GLRA1: variants seen among roughly 807,000 people sequenced by gnomAD.
The protein encoded by GLRA1 is glycine receptor subunit alpha-1.
In GLRA1, 37 loss-of-function variants were observed where a neutral mutation model predicts 48.3. The observed-to-expected ratio is 0.77, with a 90% CI of 0.59 to 1.01. The LOEUF (loss-of-function observed/expected upper bound fraction) is 1.01, where lower values mean the gene tolerates loss of function less well. GLRA1 is among the 50% of genes least tolerant of loss of function. GLRA1 has a pLI of 0.00. For missense variants in GLRA1, 427 were observed against 571.0 expected, an observed-to-expected ratio of 0.75 and a Z score of 2.57; for synonymous variants, 196 against 210.7, an observed-to-expected ratio of 0.93 and a Z score of 0.60.
At chr5:151,828,172 G>A (rs1763325238) in intron 8 of GLRA1, among the ~76,000 whole-genome samples, 2 of 152,202 alleles carry the variant, frequency 1.3e-5, no homozygotes, top group African/African-American at 4.8e-5. Context: ...GACACACAGT[G>A]CACTGGAAGA....
intron 3 of GLRA1, among the ~76,000 whole-genome samples, chr5:151,870,971 G>T (rs963996739): frequency 6.7e-6 from 1 of 149,742 alleles, no homozygotes; most frequent in Non-Finnish European, 1.5e-5. Context: ...TGGGTTTGAC[G>T]GTCATGAGTC....
intron 7 of GLRA1, among the ~76,000 whole-genome samples, chr5:151,846,660 A>G (rs1752679357): frequency 6.6e-6 from 1 of 152,222 alleles, no homozygotes; most frequent in South Asian, 2.1e-4. Flanking sequence ...AGTCAGTGTC[A>G]TGAAAAACAA....
chr5:151,868,827 G>A (rs1034305303), intron 3 of GLRA1, among the ~76,000 whole-genome samples: 1 of 152,126 alleles, frequency 6.6e-6, no homozygotes, highest in African/African-American at 2.4e-5. Flanking sequence ...AGTGCTTGTG[G>A]ACTGCCCAGA....
chr5:151,883,001 A>C (rs547550241), intron 3 of GLRA1, among the ~76,000 whole-genome samples: 1 of 152,302 alleles, frequency 6.6e-6, no homozygotes, highest in South Asian at 2.1e-4. Context: ...CTAAGAACCT[A>C]TTGGTGATGT....
intron 7 of GLRA1, among the ~76,000 whole-genome samples, chr5:151,845,028 A>G (rs1257064508): frequency 1.3e-5 from 2 of 152,054 alleles, no homozygotes; most frequent in Admixed American, 6.6e-5. Context: ...TTAAAATTTT[A>G]TTTATTTTTA....
At chr5:151,895,463 C>G (rs552375553) in intron 1 of GLRA1, among the ~76,000 whole-genome samples, 1 of 152,240 alleles carries the variant, frequency 6.6e-6, no homozygotes, top group African/African-American at 2.4e-5. Context: ...AGCTGTGTCA[C>G]CTTGGGAAAG....
intron 7 of GLRA1, among the ~76,000 whole-genome samples, chr5:151,841,407 T>G (rs1033391952): frequency 2.7e-5 from 3 of 110,760 alleles, no homozygotes; most frequent in Non-Finnish European, 5.7e-5. Context: ...AGGTCCTAAA[T>G]CAATAACTTT....
intron 7 of GLRA1, among the ~76,000 whole-genome samples, chr5:151,834,836 G>A (rs1034045989): frequency 4.0e-5 from 6 of 151,514 alleles, no homozygotes; most frequent in African/African-American, 1.5e-4. Flanking sequence ...GACCATCCTG[G>A]CTAACACGAT....
intron 1 of GLRA1, among the ~76,000 whole-genome samples, chr5:151,920,413 T>C (rs1754845878): frequency 6.6e-6 from 1 of 152,180 alleles, no homozygotes; most frequent in African/African-American, 2.4e-5. Flanking sequence ...GGCCGTAACC[T>C]CTTTCATAAG....
chr5:151,872,547 A>C (rs1419639942), intron 3 of GLRA1, among the ~76,000 whole-genome samples: 1 of 149,928 alleles, frequency 6.7e-6, no homozygotes, highest in Non-Finnish European at 1.5e-5. Flanking sequence ...CTTCTGGAAT[A>C]TATCCTAAAG....
At chr5:151,850,663 C>T (rs1752876612) in intron 7 of GLRA1, 2 of 1,344,960 alleles carry the variant, frequency 1.5e-6, no homozygotes, top group African/African-American at 1.4e-5. Flanking sequence ...GGACTGTTGG[C>T]CAGGAGAAGA....
At chr5:151,831,434 G>A (rs1763422477) in intron 7 of GLRA1, among the ~76,000 whole-genome samples, 1 of 152,230 alleles carries the variant, frequency 6.6e-6, no homozygotes, top group Non-Finnish European at 1.5e-5. Context: ...GCAGTCTGAA[G>A]TTGACCTGGA....
intron 3 of GLRA1, among the ~76,000 whole-genome samples, chr5:151,876,398 C>T (rs2964604): frequency 0.59 from 90,045 of 151,740 alleles, 26,843 homozygotes; most frequent in East Asian, 0.69. Flanking sequence ...AATTTGGTGC[C>T]GATCAGTTTA....
chr5:151,883,009 T>C (rs572168081), intron 3 of GLRA1, among the ~76,000 whole-genome samples: 4 of 152,314 alleles, frequency 2.6e-5, no homozygotes, highest in South Asian at 2.1e-4. Context: ...CTATTGGTGA[T>C]GTTAAGTGAG....
intron 4 of GLRA1, among the ~76,000 whole-genome samples, chr5:151,859,112 C>T (rs955376550): frequency 2.6e-5 from 4 of 152,180 alleles, no homozygotes; most frequent in Admixed American, 1.3e-4. Flanking sequence ...AAGTACCTGG[C>T]ATAGTTAGTG....
rs773542781 is a variant in GLRA1 at position 151,855,081 on chromosome 5, T to C, written c.656A>G (p.Glu219Gly). The C allele has an allele frequency of 5.6e-6, 9 of 1,614,098 alleles. No individual in the cohort carries two copies. The highest frequency in any genetic ancestry group is 7.6e-6 in the Non-Finnish European group (9 of 1,179,974). The change falls in exon 6 of 9, where the codon GAA (glutamate) becomes GGA (glycine). Residue 219 changes from glutamate to glycine, a missense_variant. Around this residue, in one of 4 missense-constraint regions of GLRA1, gnomAD observed 271 missense variants for 434.9 expected, o/e 0.62. Coordinates refer to ENST00000274576, the MANE Select transcript of GLRA1 (RefSeq NM_000171.4). ...GGTGCAGTATCTCAAGTCCTTCTCTTCCTTCAAGATAAACTGGGGCAGAGT... is the reference window on the plus strand; with the variant it reads ...GGTGCAGTATCTCAAGTCCTTCTCTCCCTTCAAGATAAACTGGGGCAGAGT... The part of the protein sequence containing the change: ...GLTLPQFILK[E>G]EKDLRYCTKH...
At position 151,893,489 on chromosome 5, in the gene GLRA1, C is replaced by G. The variant is rs181453078; in HGVS notation, c.57-1051G>C. Among the ~76,000 whole-genome samples the G allele has an allele frequency of 2.1e-4, 32 of 152,100 alleles. No individual in the cohort carries two copies. In the East Asian group the frequency reaches 6.2e-3, roughly 29 times the overall value. On this transcript the variant is annotated intron_variant, in intron 1 of 8. Coordinates refer to ENST00000274576, the MANE Select transcript of GLRA1 (RefSeq NM_000171.4). The stretch of plus-strand genomic sequence containing the variant: ...AGCCCCTCTTGCATTAGATATTTGT[C>G]CTAATGCTCTCCCTCGCCTTGCCCC...
At chr5:151,867,523 C>A (rs1008243769) in intron 3 of GLRA1, among the ~76,000 whole-genome samples, 2 of 152,136 alleles carry the variant, frequency 1.3e-5, no homozygotes, top group African/African-American at 4.8e-5. Flanking sequence ...TTTAGCTCAA[C>A]CATTAGCAGC....
chr5:151,922,979 T>A (rs755098821), intron 1 of GLRA1, among the ~76,000 whole-genome samples: 19 of 152,374 alleles, frequency 1.2e-4, no homozygotes, highest in Middle Eastern at 3.4e-3. Context: ...ATGCAGGGGA[T>A]AAAGGATCTC....
Sources: allele counts gnomAD v4.1 joint callset (sites outside exome capture counted in the v4.1 genomes callset), GRCh38; gene constraint gnomAD v4.1.1; regional missense constraint gnomAD v4.1.1; transcripts MANE v1.5; gene names NCBI Gene and HGNC (gene_info 2026-07-23, HGNC 2026-07-21).